Variants in BDNF observed in about 807,000 individuals in gnomAD.
The protein encoded by BDNF is neurotrophic factor BDNF precursor form.
Under a neutral mutation model 19.5 loss-of-function variants are expected in BDNF, and 1 was observed. The observed-to-expected ratio is 0.05, with a 90% CI of 0.02 to 0.24. The LOEUF is 0.24. Ranked by LOEUF, BDNF falls within the 10% of genes least tolerant of loss-of-function variation. The pLI, the probability that BDNF is intolerant of heterozygous loss-of-function variation, is 1.00. For synonymous variants in BDNF, 100 were observed against 121.6 expected (o/e 0.82, Z 1.17); for missense variants, 195 against 317.6 (o/e 0.61, Z 2.93).
intron 1 of BDNF, chr11:27,659,657 G>A (rs984769514): frequency 2.3e-4 from 221 of 972,796 alleles, no homozygotes; most frequent in Non-Finnish European, 2.5e-4. Context: ...GTGCGCGCGC[G>A]CGTGTGCGCG....
At chr11:27,715,303 G>T (rs777016032) in intron 1 of BDNF, among the ~76,000 whole-genome samples, 1 of 152,204 alleles carries the variant, frequency 6.6e-6, no homozygotes, top group Non-Finnish European at 1.5e-5. Flanking sequence ...AAACAAGCCA[G>T]CATGAATTCA....
intron 1 of BDNF, among the ~76,000 whole-genome samples, chr11:27,691,532 T>C (rs1445967578): frequency 6.6e-6 from 1 of 152,200 alleles, no homozygotes; most frequent in Non-Finnish European, 1.5e-5. Flanking sequence ...CTATAAACTA[T>C]ATGATATCCT....
At chr11:27,707,557 A>G (rs1272732282) in intron 1 of BDNF, among the ~76,000 whole-genome samples, 1 of 152,224 alleles carries the variant, frequency 6.6e-6, no homozygotes, top group Non-Finnish European at 1.5e-5. Context: ...GTAAGTAGGT[A>G]CTTCTGAAAC....
chr11:27,697,251 T>C (rs1286579280), intron 1 of BDNF, among the ~76,000 whole-genome samples: 1 of 152,056 alleles, frequency 6.6e-6, no homozygotes, highest in Non-Finnish European at 1.5e-5. Context: ...TTCTCTGCTA[T>C]ACTATCAGGT....
intron 1 of BDNF, among the ~76,000 whole-genome samples, chr11:27,706,987 A>C (rs1039709782): frequency 6.6e-6 from 1 of 152,134 alleles, no homozygotes; most frequent in African/African-American, 2.4e-5. Flanking sequence ...GCTTTTCTGT[A>C]CTCCATTTAA....
At chr11:27,708,768 T>C (rs1860210340) in intron 1 of BDNF, among the ~76,000 whole-genome samples, 1 of 151,848 alleles carries the variant, frequency 6.6e-6, no homozygotes, top group East Asian at 1.9e-4. Context: ...TGAGCAAACA[T>C]TTTCTAACGT....
At chr11:27,712,894 C>A (rs548336042) in intron 1 of BDNF, among the ~76,000 whole-genome samples, 1 of 149,064 alleles carries the variant, frequency 6.7e-6, no homozygotes, top group South Asian at 2.2e-4. Context: ...GCATGAAAGT[C>A]ATTACAGTGA....
chr11:27,669,252 T>C (rs547058736), intron 1 of BDNF, among the ~76,000 whole-genome samples: 1 of 152,192 alleles, frequency 6.6e-6, no homozygotes, highest in Non-Finnish European at 1.5e-5. Context: ...TGATGGGACA[T>C]ATCTCAAAAT....
intron 1 of BDNF, among the ~76,000 whole-genome samples, chr11:27,671,154 T>C (rs1855302716): frequency 6.6e-6 from 1 of 151,884 alleles, no homozygotes; most frequent in African/African-American, 2.4e-5. Context: ...CTGGGACCTG[T>C]CATGGAGTAG....
upstream of BDNF, among the ~76,000 whole-genome samples, chr11:27,702,070 A>G (rs974923013): frequency 4.6e-5 from 7 of 151,592 alleles, no homozygotes; most frequent in African/African-American, 1.5e-4. Flanking sequence ...GCTAGGGTCC[A>G]GAGGACATTT....
intron 1 of BDNF, among the ~76,000 whole-genome samples, chr11:27,667,745 C>G (rs1044460396): frequency 6.6e-6 from 1 of 152,186 alleles, no homozygotes; most frequent in African/African-American, 2.4e-5. Context: ...GCACCTAATA[C>G]AGGAGCACCA....
chr11:27,697,716 C>A (rs1239617717), intron 1 of BDNF: 1 of 152,082 alleles, frequency 6.6e-6, no homozygotes, highest in African/African-American at 2.4e-5. Context: ...CTGGATGCAC[C>A]AATGTTGACC....
rs898968221 is a variant in BDNF at position 27,657,636 on chromosome 11, T to C, written c.*185A>G. 5 of 1,413,528 alleles carry C rather than the reference T, an allele frequency of 3.5e-6. No homozygotes were observed. In the African/African-American group the frequency reaches 4.3e-5, roughly 12 times the overall value. 87.6% of individuals were successfully genotyped at this position (1,413,528 alleles called of 1,614,324 possible). On this transcript the variant is annotated 3_prime_UTR_variant, in exon 2 of 2. Coordinates refer to ENST00000356660, the MANE Select transcript of BDNF (RefSeq NM_001709.5). This position sits in a 1 kb window ranked among gnomAD's most constrained non-coding sequence, Gnocchi z 5.0. ...TTTTTAAGTTGTGCGCAAATGACTG[T>C]TTCCCTTCTGGTCATGGACATGTCC...
At chr11:27,665,218 G>A (rs1044168282) in intron 1 of BDNF, 2 of 152,162 alleles carry the variant, frequency 1.3e-5, no homozygotes, top group African/African-American at 4.8e-5. Context: ...ATGGTAGACA[G>A]TGACATTAAT....
intron 1 of BDNF, among the ~76,000 whole-genome samples, chr11:27,698,716 G>T (rs1859492780): frequency 6.6e-6 from 1 of 152,070 alleles, no homozygotes; most frequent in African/African-American, 2.4e-5. Context: ...ATATTACTTT[G>T]CTTTAAAAGA....
At position 27,658,177 on chromosome 11, in the gene BDNF, A is replaced by T; in HGVS notation, c.388T>A (p.Ser130Thr). ...ANMSMRVRRH[S>T]DPARRGELSV... ...AGCTCCCCTCGGCGGGCAGGGTCAG[A>T]GTGGCGCCGGACCCTCATGGACATG... Residue 130 changes from serine to threonine, a missense_variant, in exon 2 of 2, where the codon TCT (serine) becomes ACT (threonine). Around this residue, in one of 2 missense-constraint regions of BDNF, gnomAD observed 71 missense variants for 162.6 expected, o/e 0.44. Coordinates refer to ENST00000356660, the MANE Select transcript of BDNF (RefSeq NM_001709.5). This position sits in a 1 kb window ranked among gnomAD's most constrained non-coding sequence, Gnocchi z 5.7. The T allele has an allele frequency of 6.2e-7, 1 of 1,614,112 alleles. No individual in the cohort carries two copies. Among genetic ancestry groups the T allele is most frequent in the Non-Finnish European group, 8.5e-7 (1 of 1,180,030 alleles).
intron 1 of BDNF, among the ~76,000 whole-genome samples, chr11:27,669,291 G>T (rs190094333): frequency 6.6e-6 from 1 of 152,302 alleles, no homozygotes; most frequent in East Asian, 1.9e-4. Flanking sequence ...CAAACCCACA[G>T]CCAATGTCAT....
rs569477457 is a variant in BDNF, at chr11:27,687,365, C to G, written c.-22+12799G>C. 4.6e-5 allele frequency among the ~76,000 whole-genome samples: 7 copies of G among 152,294 alleles called. No individual in the cohort carries two copies. The South Asian group carries it at 1.5e-3, about 32-fold the overall frequency. ...ATTGGGTTAGAGCATGCTCCTTTAG[C>G]TTGGAGGAGTCTGTTTTTACCCACT... On this transcript the variant is annotated intron_variant, in intron 1 of 1. Coordinates refer to ENST00000356660, the MANE Select transcript of BDNF (RefSeq NM_001709.5).
rs58865545 is a variant in BDNF, at chr11:27,673,480, C to T, written c.-21-14895G>A. ...TTTCAGTCTCTTTCTTCAGAATTGA[C>T]GACTTTAATCAACAGGTCACTTTCA... is the stretch of plus-strand genomic sequence containing the variant. On this transcript the variant is annotated intron_variant, in intron 1 of 1. Transcript: ENST00000356660. Among the ~76,000 whole-genome samples, 1,129 of 152,274 alleles carry T rather than the reference C, an allele frequency of 7.4e-3. 13 individuals carry two copies. The highest frequency in any genetic ancestry group is 0.025 in the African/African-American group (1,046 of 41,562).
Sources: gnomAD v4.1 joint callset for allele counts (sites outside exome capture counted in the v4.1 genomes callset) on GRCh38, gnomAD v4.1.1 for gene constraint, gnomAD v4.1.1 regional missense constraint, Gnocchi (gnomAD v3.1) non-coding constraint, MANE v1.5 for transcripts, NCBI Gene and HGNC (gene_info 2026-07-23, HGNC 2026-07-21) for gene names.